The following ZNF207 variants were observed in gnomAD, a reference collection of about 807,000 sequenced individuals.
ZNF207 encodes zinc finger protein 207, also known as BUB3-interacting and GLEBS motif-containing protein ZNF207.
A neutral mutation model predicts 60.2 loss-of-function variants in ZNF207; 24 were observed. The observed-to-expected ratio is 0.40, with a 90% CI of 0.29 to 0.56. The LOEUF (loss-of-function observed/expected upper bound fraction) is 0.56, where lower values mean the gene tolerates loss of function less well. Ranked by LOEUF, ZNF207 falls within the 20% of genes least tolerant of loss-of-function variation. The probability of loss-of-function intolerance (pLI) is 0.49; values close to 1 mark genes in which losing one functional copy is unlikely to be tolerated. For missense variants in ZNF207, 452 were observed against 636.6 expected (o/e 0.71, Z 3.12); for synonymous variants, 236 against 194.7 (o/e 1.21, Z -1.77).
intron 2 of ZNF207, among the ~76,000 whole-genome samples, chr17:32,355,731 G>C (rs1047812790): frequency 6.6e-6 from 1 of 152,182 alleles, no homozygotes; most frequent in Non-Finnish European, 1.5e-5. Context: ...AAAAGGAATC[G>C]TCTAAGGAGA....
At chr17:32,367,253 AT>A (rs759104243) in intron 9 of ZNF207, among the ~76,000 whole-genome samples, 3,718 of 91,440 alleles carry the variant, frequency 0.041, 379 homozygotes, top group Non-Finnish European at 0.057. Context: ...ATATATATAT[AT>A]ATATATATAT....
At chr17:32,351,456 T>C in intron 1 of ZNF207, 2 of 1,388,446 alleles carry the variant, frequency 1.4e-6, no homozygotes, top group Non-Finnish European at 1.9e-6. Flanking sequence ...AACTCTTTCC[T>C]GTCCTCAGTG....
At chr17:32,356,791 C>T (rs768830863) in intron 2 of ZNF207, among the ~76,000 whole-genome samples, 26 of 151,974 alleles carry the variant, frequency 1.7e-4, no homozygotes, top group Non-Finnish European at 2.8e-4. Context: ...ACATTATTGG[C>T]AAAAGTTACC....
chr17:32,361,029 G>T, intron 5 of ZNF207, 62 bp downstream of exon 5: 1 of 1,527,316 alleles, frequency 6.5e-7, no homozygotes, highest in Admixed American at 1.8e-5. Flanking sequence ...TTTCAATTTG[G>T]ATGTTATATG....
intron 2 of ZNF207, among the ~76,000 whole-genome samples, chr17:32,355,731 G>A (rs1047812790): frequency 7.9e-5 from 12 of 152,182 alleles, no homozygotes; most frequent in African/African-American, 2.7e-4. Flanking sequence ...AAAAGGAATC[G>A]TCTAAGGAGA....
At chr17:32,368,101 C>T in intron 10 of ZNF207, 87 bp downstream of exon 10, 2 of 1,544,810 alleles carry the variant, frequency 1.3e-6, no homozygotes, top group Non-Finnish European at 1.8e-6. Flanking sequence ...TTCATTTGTA[C>T]TCAGATGGTC....
rs1163735454 is a variant in ZNF207 at position 32,380,826 on chromosome 17, A to T, written c.*11067A>T. On this transcript the variant is annotated 3_prime_UTR_variant, in exon 12 of 12. Transcript: ENST00000394670. Reference sequence around the variant, plus strand: ...ACAAAAATCAGCCGGGTGTGGTGGGACGTGCCTGTAACCCCAGCTACTCTG... The same window carrying T: ...ACAAAAATCAGCCGGGTGTGGTGGGTCGTGCCTGTAACCCCAGCTACTCTG... The T allele has an allele frequency of 1.3e-5, 2 of 152,124 alleles. No homozygotes were observed. Among genetic ancestry groups the T allele is most frequent in the East Asian group, 1.9e-4 (1 of 5,186 alleles). The allele number at this position is 152,124 out of a possible 1,614,324, so 9.4% of individuals were successfully genotyped here. A position where few individuals can be genotyped will look rare whatever the true frequency, so the allele number is the denominator to read the frequency against.
chr17:32,372,087 T>A lies in ZNF207; in HGVS notation c.*2328T>A, dbSNP rs2150805687. 6.6e-6 allele frequency: 1 copy of A among 152,384 alleles called. No homozygotes were observed. Among genetic ancestry groups the A allele is most frequent in the Admixed American group, 6.5e-5 (1 of 15,282 alleles). 9.4% of individuals were successfully genotyped at this position (152,384 alleles called of 1,614,324 possible). On this transcript the variant is annotated 3_prime_UTR_variant, in exon 12 of 12. Transcript: ENST00000394670. ...AGGCCCAGGCGGGTGGATCATGAGG[T>A]CAGGAGATGGAGACCATCCTGGCTA...
intron 10 of ZNF207, chr17:32,368,517 T>G (rs1034459864): frequency 2.5e-5 from 4 of 160,006 alleles, no homozygotes; most frequent in African/African-American, 7.3e-5. Context: ...CTGGCCAACA[T>G]GGTGAAACCT....
rs1180812020 is a variant in ZNF207 at position 32,367,846 on chromosome 17, AC to A, written c.1001del (p.Pro334GlnfsTer30). Reference sequence around the variant, plus strand: ...ATAGTACCCCTGCAACAACTACAGAACCCCCAAAGCCTACATTCCCTGCTTA... The same window carrying A: ...ATAGTACCCCTGCAACAACTACAGAACCCCAAAGCCTACATTCCCTGCTTA... ...LNSTPATTTE[P>X]PKPTFPAYTQ... On this transcript the variant is annotated frameshift_variant, in exon 10 of 12. Coordinates refer to ENST00000394670, the MANE Select transcript of ZNF207 (RefSeq NM_001098507.2). LOFTEE classifies it high-confidence loss of function. The A allele has an allele frequency of 6.2e-7, 1 of 1,613,930 alleles. No homozygotes were observed. Among genetic ancestry groups the A allele is most frequent in the Non-Finnish European group, 8.5e-7 (1 of 1,180,020 alleles).
At chr17:32,364,630 T>C (rs1006170545) in intron 7 of ZNF207, among the ~76,000 whole-genome samples, 1 of 152,170 alleles carries the variant, frequency 6.6e-6, no homozygotes, top group African/African-American at 2.4e-5. Flanking sequence ...AGTGCTGGGA[T>C]TATAGTCGTG....
At chr17:32,358,365 G>A (rs1238186171) in intron 2 of ZNF207, 138 bp from the exon 3 acceptor site, 3 of 641,086 alleles carry the variant, frequency 4.7e-6, no homozygotes, top group African/African-American at 3.9e-5. Flanking sequence ...ATGTCACAGA[G>A]CTAGTGAATG....
intron 1 of ZNF207, chr17:32,351,414 G>T: frequency 3.1e-6 from 4 of 1,277,776 alleles, no homozygotes; most frequent in Non-Finnish European, 4.0e-6. Context: ...TGAAGTAATT[G>T]TCTTGACAGA....
chr17:32,369,286 T>C lies in ZNF207; in HGVS notation c.1165-9T>C. ...GAGTATTTAGCCCTGCGCTTATTTT[T>C]ATTCCCAGGAAGAGAGAAGGGCACA... On this transcript the variant is annotated splice_polypyrimidine_tract_variant and intron_variant, in intron 10 of 11. Transcript: ENST00000394670. 1.2e-6 allele frequency: 2 copies of C among 1,613,250 alleles called. No individual in the cohort carries two copies. The highest frequency in any genetic ancestry group is 1.1e-5 in the South Asian group (1 of 91,030).
rs775993378 is a variant in ZNF207 at position 32,379,427 on chromosome 17, A to G, written c.*9668A>G. On this transcript the variant is annotated 3_prime_UTR_variant, in exon 12 of 12. Coordinates refer to ENST00000394670, the MANE Select transcript of ZNF207 (RefSeq NM_001098507.2). Reference sequence around the variant, plus strand: ...CTTCACTTAACAGACTATAAATACAAAAACTTTGAACACATAAATTATTTC... The same window carrying G: ...CTTCACTTAACAGACTATAAATACAGAAACTTTGAACACATAAATTATTTC... The G allele has an allele frequency of 6.6e-6, 1 of 152,178 alleles. No homozygotes were observed. Among genetic ancestry groups the G allele is most frequent in the Non-Finnish European group, 1.5e-5 (1 of 67,988 alleles). 9.4% of individuals were successfully genotyped at this position (152,178 alleles called of 1,614,324 possible).
At position 32,350,256 on chromosome 17, in the gene ZNF207, T is replaced by C; in HGVS notation, c.-30T>C. 2 of 1,613,926 alleles carry C rather than the reference T, an allele frequency of 1.2e-6. No individual in the cohort carries two copies. Among genetic ancestry groups the C allele is most frequent in the South Asian group, 2.2e-5 (2 of 91,070 alleles). The stretch of plus-strand genomic sequence containing the variant: ...CTCGTTTCTCCTGCTTCTTTTCTCC[T>C]CCCTTTTACTTTGCCGGTAGAACAC... On this transcript the variant is annotated 5_prime_UTR_variant, in exon 1 of 12. Coordinates refer to ENST00000394670, the MANE Select transcript of ZNF207 (RefSeq NM_001098507.2).
At chr17:32,362,777 C>T in intron 6 of ZNF207, 137 bp from the exon 7 acceptor site, 2 of 595,810 alleles carry the variant, frequency 3.4e-6, no homozygotes, top group East Asian at 3.0e-5. Context: ...TGTGTTCTTT[C>T]AGCTTTGATT....
Position 32,381,710 on chromosome 17 carries a change from C to A in ZNF207, c.*11951C>A, listed in dbSNP as rs975296812. On this transcript the variant is annotated 3_prime_UTR_variant, in exon 12 of 12. Transcript: ENST00000394670. ...CCATTTGAAAAATGGTGCTTTATTT[C>A]CATATCTGAAGCCTGAAGTTATTTT... The A allele has an allele frequency of 2.6e-5, 4 of 152,232 alleles. No individual in the cohort carries two copies. Among genetic ancestry groups the A allele is most frequent in the South Asian group, 4.1e-4 (2 of 4,820 alleles). 9.4% of individuals were successfully genotyped at this position (152,232 alleles called of 1,614,324 possible). A position where few individuals can be genotyped will look rare whatever the true frequency, so the allele number is the denominator to read the frequency against.
intron 1 of ZNF207, 150 bp from the exon 2 acceptor site, chr17:32,351,636 T>C (rs777937748): frequency 6.4e-7 from 1 of 1,552,464 alleles, no homozygotes; most frequent in Non-Finnish European, 8.7e-7. Context: ...GCAAGTGTAG[T>C]CCCTAATTGT....
Sources: gnomAD v4.1 joint callset for allele counts (sites outside exome capture counted in the v4.1 genomes callset) on GRCh38, gnomAD v4.1.1 for gene constraint, MANE v1.5 for transcripts, NCBI Gene and HGNC (gene_info 2026-07-23, HGNC 2026-07-21) for gene names.